Variants in JPT1 observed in about 807,000 individuals in gnomAD.
JPT1 encodes Jupiter microtubule associated homolog 1.
A neutral mutation model predicts 17.0 loss-of-function variants in JPT1; 5 were observed. The observed-to-expected ratio is 0.29, with a 90% CI of 0.15 to 0.62. JPT1 has a LOEUF of 0.62. Among genes scored for constraint, JPT1 ranks in the 20% least tolerant of loss-of-function variants. The pLI is 0.85. For missense variants in JPT1, 158 were observed against 188.1 expected, an observed-to-expected ratio of 0.84 and a Z score of 0.94; for synonymous variants, 71 against 73.6, an observed-to-expected ratio of 0.96 and a Z score of 0.18.
chr17:75,142,896 AC>A, intron 4 of JPT1: 1 of 404,234 alleles, frequency 2.5e-6, no homozygotes. Context: ...ACACACACAC[AC>A]ACACAAAATC....
At chr17:75,149,113 G>A (rs930648506) in intron 1 of JPT1, 5 of 1,117,474 alleles carry the variant, frequency 4.5e-6, no homozygotes, top group Non-Finnish European at 6.0e-6. Context: ...CACCCTAGGA[G>A]GCCAAGGCAG....
At chr17:75,154,311 G>T (rs2074600598) in intron 1 of JPT1, 31 bp downstream of exon 1, 5 of 1,528,778 alleles carry the variant, frequency 3.3e-6, no homozygotes, top group Non-Finnish European at 4.4e-6. Flanking sequence ...CCTCAGCCCC[G>T]CGCGGCTCGG....
intron 4 of JPT1, among the ~76,000 whole-genome samples, chr17:75,137,303 T>C (rs1303635313): frequency 2.0e-5 from 3 of 148,682 alleles, no homozygotes; most frequent in Admixed American, 6.8e-5. Flanking sequence ...AAGAGCTTAA[T>C]AGTATACATA....
At chr17:75,136,753 G>T (rs1316349732) in intron 4 of JPT1, among the ~76,000 whole-genome samples, 1 of 152,146 alleles carries the variant, frequency 6.6e-6, no homozygotes, top group Non-Finnish European at 1.5e-5. Flanking sequence ...GCCTCCCAAA[G>T]TGCTGGGATT....
intron 4 of JPT1, among the ~76,000 whole-genome samples, chr17:75,141,756 C>T (rs1266128517): frequency 6.6e-6 from 1 of 151,926 alleles, no homozygotes; most frequent in Non-Finnish European, 1.5e-5. Flanking sequence ...GCGAAAACTC[C>T]GTGTCTGCTA....
intron 1 of JPT1, among the ~76,000 whole-genome samples, chr17:75,149,536 T>G (rs374749924): frequency 3.3e-5 from 5 of 151,226 alleles, no homozygotes; most frequent in African/African-American, 1.2e-4. Context: ...CCCAGCTAAT[T>G]TTTTGTATTT....
chr17:75,142,672 G>T, intron 4 of JPT1: 1 of 368,420 alleles, frequency 2.7e-6, no homozygotes. Context: ...GGGAGGAAGG[G>T]AACGGGAAGG....
Position 75,136,240 on chromosome 17 carries a change from G to A in JPT1, c.327C>T (p.Asp109=), listed in dbSNP as rs549018197. The part of the protein sequence containing the change: ...KGEGDIHENV[D]TDLPGSLGQS... The stretch of plus-strand genomic sequence containing the variant: ...GCCCCAGGCTGCCTGGCAAGTCTGT[G>A]TCCACATTTTCTATGAAAACAGGGA... The change falls in exon 5 of 5, where the codon GAC becomes GAT. Residue 109 remains aspartate (D), a synonymous_variant. Coordinates refer to ENST00000409753, the MANE Select transcript of JPT1 (RefSeq NM_016185.4). 5 of 1,582,490 alleles carry A rather than the reference G, an allele frequency of 3.2e-6. No individual in the cohort carries two copies. Among genetic ancestry groups the A allele is most frequent in the South Asian group, 1.1e-5 (1 of 89,046 alleles).
chr17:75,135,784 A>G lies in JPT1; in HGVS notation c.*318T>C, dbSNP rs2074181183. ...CAGTTGAGGCTTGGTAAACCCAAGTAAAGTGTTAAAAACCTCAGTACAAAA... is the reference window on the plus strand; with the variant it reads ...CAGTTGAGGCTTGGTAAACCCAAGTGAAGTGTTAAAAACCTCAGTACAAAA... On this transcript the variant is annotated 3_prime_UTR_variant, in exon 5 of 5. Coordinates refer to ENST00000409753, the MANE Select transcript of JPT1 (RefSeq NM_016185.4). 1 of 505,128 alleles carries G rather than the reference A, an allele frequency of 2.0e-6. No individual in the cohort carries two copies. The highest frequency in any genetic ancestry group is 3.3e-5 in the East Asian group (1 of 30,634). The allele number at this position is 505,128 out of a possible 1,614,324, so 31.3% of individuals were successfully genotyped here.
chr17:75,149,128 A>C, intron 1 of JPT1: 13 of 971,886 alleles, frequency 1.3e-5, no homozygotes, highest in Non-Finnish European at 1.9e-5. Context: ...AGGCAGGATC[A>C]TCACTTGAGC....
In JPT1 at chr17:75,151,023, CTT is replaced by C. The variant is rs991088526; in HGVS notation, c.57-2354_57-2353del. On this transcript the variant is annotated intron_variant, in intron 1 of 4. Transcript: ENST00000409753. The stretch of plus-strand genomic sequence containing the variant: ...CGCCCGCCGGAACGCCCGGCTAACT[CTT>C]TTATTTTTAGTAGAGACGGGGTTTC... 2.2e-4 allele frequency among the ~76,000 whole-genome samples: 33 copies of C among 151,568 alleles called. 1 individual carries two copies. The highest frequency in any genetic ancestry group is 8.0e-4 in the African/African-American group (33 of 41,376).
At position 75,135,963 on chromosome 17, in the gene JPT1, G is replaced by GA. The variant is rs370016046; in HGVS notation, c.*138dup. Reference sequence around the variant, plus strand: ...ACAGAGAGAAACCTGTTCTTCAAAAGAAAAAAAAAAAAGACAGCAGTACAT... The same window carrying GA: ...ACAGAGAGAAACCTGTTCTTCAAAAGAAAAAAAAAAAAAGACAGCAGTACAT... On this transcript the variant is annotated 3_prime_UTR_variant, in exon 5 of 5. Coordinates refer to ENST00000409753, the MANE Select transcript of JPT1 (RefSeq NM_016185.4). 108,986 of 982,250 alleles carry GA rather than the reference G, an allele frequency of 0.11. 789 individuals carry two copies. The highest frequency in any genetic ancestry group is 0.22 in the African/African-American group (13,218 of 60,170). 60.8% of individuals were successfully genotyped at this position (982,250 alleles called of 1,614,324 possible).
rs1171204333 is a variant in JPT1, at chr17:75,142,586, AGAGG to A, written c.316+4076_316+4079del. Among the ~76,000 whole-genome samples, 31 of 61,776 alleles carry A rather than the reference AGAGG, an allele frequency of 5.0e-4. 1 individual carries two copies. The highest frequency in any genetic ancestry group is 1.7e-3 in the African/African-American group (27 of 15,466). 40.5% of individuals were successfully genotyped at this position (61,776 alleles called of 152,430 possible). A position where few individuals can be genotyped will look rare whatever the true frequency, so the allele number is the denominator to read the frequency against. ...GGGGGAGGGGAGGGGAGAGGGAGGG[AGAGG>A]GAGGGAGGGAGGGGAAGGGGGAGAG... On this transcript the variant is annotated intron_variant, in intron 4 of 4. Coordinates refer to ENST00000409753, the MANE Select transcript of JPT1 (RefSeq NM_016185.4).
At position 75,135,907 on chromosome 17, in the gene JPT1, A is replaced by T; in HGVS notation, c.*195T>A. On this transcript the variant is annotated 3_prime_UTR_variant, in exon 5 of 5. Coordinates refer to ENST00000409753, the MANE Select transcript of JPT1 (RefSeq NM_016185.4). The stretch of plus-strand genomic sequence containing the variant: ...TCCAATCTACTACTAGAAAACACTC[A>T]TGCCATGGCCCACAGACCCAAGAGT... The T allele has an allele frequency of 8.5e-7, 1 of 1,180,504 alleles. No individual in the cohort carries two copies. Among genetic ancestry groups the T allele is most frequent in the Non-Finnish European group, 1.2e-6 (1 of 837,614 alleles). 73.1% of individuals were successfully genotyped at this position (1,180,504 alleles called of 1,614,324 possible).
Position 75,136,185 on chromosome 17 carries a change from G to A in JPT1, c.382C>T (p.Pro128Ser). The change falls in exon 5 of 5, where the codon CCT becomes TCT. Residue 128 changes from proline (P) to serine (S), a missense_variant. Transcript: ENST00000409753. ...QSEEKPVPAA[P>S]VPSPVAPAPV... The stretch of plus-strand genomic sequence containing the variant: ...GCCGGGGCCACCGGGCTGGGCACAG[G>A]CGCAGCAGGCACGGGCTTCTCTTCA... 1.2e-6 allele frequency: 2 copies of A among 1,614,050 alleles called. No individual in the cohort carries two copies. Among genetic ancestry groups the A allele is most frequent in the Non-Finnish European group, 8.5e-7 (1 of 1,179,948 alleles).
chr17:75,135,939 C>G lies in JPT1; in HGVS notation c.*163G>C, dbSNP rs1598182320. ...GGCCCACAGACCCAAGAGTCAAGGA[C>G]AGAGAGAAACCTGTTCTTCAAAAGA... On this transcript the variant is annotated 3_prime_UTR_variant, in exon 5 of 5. Coordinates refer to ENST00000409753, the MANE Select transcript of JPT1 (RefSeq NM_016185.4). 6.7e-7 allele frequency: 1 copy of G among 1,495,716 alleles called. No individual in the cohort carries two copies. Among genetic ancestry groups the G allele is most frequent in the East Asian group, 2.3e-5 (1 of 43,978 alleles). 92.7% of individuals were successfully genotyped at this position (1,495,716 alleles called of 1,614,324 possible).
intron 1 of JPT1, among the ~76,000 whole-genome samples, chr17:75,151,733 G>A (rs2074557110): frequency 6.6e-6 from 1 of 152,140 alleles, no homozygotes; most frequent in African/African-American, 2.4e-5. Context: ...ACTTTGGGAG[G>A]CCGAGGCGGG....
intron 4 of JPT1, among the ~76,000 whole-genome samples, chr17:75,137,685 C>CTTTTTTTT (rs60118585): frequency 5.3e-5 from 6 of 112,846 alleles, no homozygotes; most frequent in Non-Finnish European, 6.5e-5. Context: ...CCTAGTTTTC[C>CTTTTTTTT]TTTTTTTTTT....
At chr17:75,136,334 T>A (rs2074196843) in intron 4 of JPT1, 84 bp from the exon 5 acceptor site, 1 of 1,421,576 alleles carries the variant, frequency 7.0e-7, no homozygotes, top group South Asian at 1.5e-5. Flanking sequence ...TTTTTCTTTT[T>A]TTTTTGGTTT....
Sources: gnomAD v4.1 joint callset for allele counts (sites outside exome capture counted in the v4.1 genomes callset) on GRCh38, gnomAD v4.1.1 for gene constraint, MANE v1.5 for transcripts, NCBI Gene and HGNC (gene_info 2026-07-23, HGNC 2026-07-21) for gene names.